The following PCDH11Y variants were observed in gnomAD, a reference collection of about 807,000 sequenced individuals.
PCDH11Y encodes protocadherin-11 Y-linked.
For missense variants in PCDH11Y, 12 were observed against 224.8 expected, an observed-to-expected ratio of 0.05 and a Z score of 6.05; for synonymous variants, 9 against 83.6, an observed-to-expected ratio of 0.11 and a Z score of 4.87.
At chrY:5,318,931 T>C in intron 2 of PCDH11Y, among the ~76,000 whole-genome samples, 1 of 32,506 alleles carries the variant, frequency 3.1e-5, no homozygotes, top group East Asian at 7.9e-4. Context: ...AGAATCTGTT[T>C]CTTTAGATAT....
At chrY:5,556,607 G>A (rs2053423166) in intron 3 of PCDH11Y, among the ~76,000 whole-genome samples, 1 of 33,289 alleles carries the variant, frequency 3.0e-5, no homozygotes, top group Admixed American at 2.7e-4. Flanking sequence ...CTATGCTGGA[G>A]TTTGTGTTTT....
At chrY:5,588,952 C>G in intron 4 of PCDH11Y, among the ~76,000 whole-genome samples, 2 of 32,649 alleles carry the variant, frequency 6.1e-5, no homozygotes, top group Admixed American at 5.6e-4. Context: ...CTTTCTCTAC[C>G]TCCTCTTTAA....
At chrY:5,679,104 G>A in intron 4 of PCDH11Y, among the ~76,000 whole-genome samples, 1 of 32,585 alleles carries the variant, frequency 3.1e-5, no homozygotes, top group South Asian at 7.0e-4. Flanking sequence ...CCTAGTGCTA[G>A]GCTGGGCTTA....
chrY:5,321,839 T>C, intron 2 of PCDH11Y, among the ~76,000 whole-genome samples: 1 of 30,080 alleles, frequency 3.3e-5, no homozygotes, highest in African/African-American at 1.3e-4. Flanking sequence ...TGGCGTGCAC[T>C]TGTGGTCCTA....
chrY:5,387,543 G>C, intron 2 of PCDH11Y, among the ~76,000 whole-genome samples: 1 of 29,646 alleles, frequency 3.4e-5, no homozygotes, highest in Admixed American at 3.2e-4. Flanking sequence ...CTCAGCTGTG[G>C]ATACCATCAC....
chrY:5,197,902 C>T (rs2052922405), intron 2 of PCDH11Y, among the ~76,000 whole-genome samples: 1 of 22,751 alleles, frequency 4.4e-5, no homozygotes, highest in African/African-American at 1.8e-4. Flanking sequence ...GTGGGTGCAG[C>T]GCACCAGCAT....
chrY:5,154,079 C>T (rs2052866736), intron 2 of PCDH11Y, among the ~76,000 whole-genome samples: 1 of 27,412 alleles, frequency 3.6e-5, no homozygotes, highest in African/African-American at 1.4e-4. Flanking sequence ...ATTTTTGTTT[C>T]TTTCTCAGAA....
chrY:5,239,642 A>G, intron 2 of PCDH11Y, among the ~76,000 whole-genome samples: 1 of 33,852 alleles, frequency 3.0e-5, no homozygotes, highest in Admixed American at 2.7e-4. Flanking sequence ...AAATAAAATA[A>G]TGTGCGTATC....
At chrY:5,296,807 A>C (rs2124662589) in intron 2 of PCDH11Y, among the ~76,000 whole-genome samples, 1 of 31,394 alleles carries the variant, frequency 3.2e-5, no homozygotes, top group Admixed American at 3.0e-4. Flanking sequence ...AATGCTGTCC[A>C]AGAGCCTAGG....
intron 1 of PCDH11Y, among the ~76,000 whole-genome samples, chrY:5,004,157 G>A: frequency 6.1e-5 from 2 of 32,870 alleles, no homozygotes; most frequent in Admixed American, 5.5e-4. Context: ...ACAGGAATGG[G>A]AAAGAAACTC....
At chrY:5,656,666 T>G in intron 4 of PCDH11Y, among the ~76,000 whole-genome samples, 3 of 32,447 alleles carry the variant, frequency 9.2e-5, no homozygotes, top group African/African-American at 3.6e-4. Flanking sequence ...CTACCTAAAT[T>G]AATCTATTGA....
At chrY:5,640,448 G>A in intron 4 of PCDH11Y, among the ~76,000 whole-genome samples, 2 of 33,470 alleles carry the variant, frequency 6.0e-5, no homozygotes, top group African/African-American at 2.3e-4. Flanking sequence ...TAAATAATGA[G>A]ATTTGAATAT....
intron 4 of PCDH11Y, among the ~76,000 whole-genome samples, chrY:5,733,088 C>T: frequency 3.0e-5 from 1 of 33,346 alleles, no homozygotes; most frequent in South Asian, 6.6e-4. Flanking sequence ...TTCAGCTTGT[C>T]TTGGATCTCA....
intron 2 of PCDH11Y, among the ~76,000 whole-genome samples, chrY:5,350,349 G>A: frequency 3.2e-5 from 1 of 31,081 alleles, no homozygotes; most frequent in African/African-American, 1.3e-4. Context: ...TTTACATTAG[G>A]TATATCTCCT....
chrY:5,214,149 A>G (rs2052943129), intron 2 of PCDH11Y, among the ~76,000 whole-genome samples: 1 of 33,190 alleles, frequency 3.0e-5, no homozygotes, highest in Admixed American at 2.8e-4. Flanking sequence ...AAGAATAAGA[A>G]GAGAAAAGCC....
chrY:5,638,105 C>T (rs2053520043), intron 4 of PCDH11Y, among the ~76,000 whole-genome samples: 1 of 24,850 alleles, frequency 4.0e-5, no homozygotes, highest in African/African-American at 1.5e-4. Flanking sequence ...TACAGGTGCC[C>T]GACACCACAC....
intron 2 of PCDH11Y, among the ~76,000 whole-genome samples, chrY:5,398,879 G>C: frequency 8.9e-5 from 3 of 33,736 alleles, no homozygotes; most frequent in Non-Finnish European, 1.5e-4. Context: ...TTTGCTGCGA[G>C]GCAAGCCCAC....
At chrY:5,147,528 A>T in intron 2 of PCDH11Y, among the ~76,000 whole-genome samples, 1 of 30,390 alleles carries the variant, frequency 3.3e-5, no homozygotes, top group African/African-American at 1.3e-4. Context: ...CTGAATCTAA[A>T]ATAAAATTTG....
chrY:5,624,612 A>T, intron 4 of PCDH11Y, among the ~76,000 whole-genome samples: 1 of 32,111 alleles, frequency 3.1e-5, no homozygotes, highest in East Asian at 8.3e-4. Flanking sequence ...CTATTCAATT[A>T]TCTCAACACC....
Sources: allele counts gnomAD v4.1 joint callset (sites outside exome capture counted in the v4.1 genomes callset), GRCh38; gene constraint gnomAD v4.1.1; transcripts MANE v1.5; gene names NCBI Gene and HGNC (gene_info 2026-07-23, HGNC 2026-07-21).